Variants in AK2 observed in about 807,000 individuals in gnomAD.
The protein encoded by AK2 is adenylate kinase 2, mitochondrial.
AK2 carries 15 observed loss-of-function variants against 24.6 expected under a neutral mutation model. That is an observed-to-expected ratio of 0.61 (90% CI 0.41 to 0.94). The LOEUF is 0.94. Among genes scored for constraint, AK2 ranks in the 40% least tolerant of loss-of-function variants. The pLI is 0.00. For missense variants in AK2, 257 were observed against 304.1 expected (o/e 0.85, Z 1.15); for synonymous variants, 102 against 114.0 (o/e 0.90, Z 0.67).
At chr1:33,016,245 T>C (rs976504565) in intron 4 of AK2, among the ~76,000 whole-genome samples, 1 of 152,310 alleles carries the variant, frequency 6.6e-6, no homozygotes, top group African/African-American at 2.4e-5. Context: ...AGAGTCTCCC[T>C]CTGTCACCCA....
At chr1:33,026,799 T>G (rs1639914165) in intron 1 of AK2, among the ~76,000 whole-genome samples, 1 of 146,760 alleles carries the variant, frequency 6.8e-6, no homozygotes, top group Admixed American at 6.9e-5. Flanking sequence ...AGAGCAAGAC[T>G]CCATCTCACA....
Position 33,012,893 on chromosome 1 carries a change from G to T in AK2, c.*288C>A, listed in dbSNP as rs2124275818. The T allele has an allele frequency of 2.2e-6, 3 of 1,360,196 alleles. No homozygotes were observed. The highest frequency in any genetic ancestry group is 1.2e-5 in the South Asian group (1 of 81,810). The allele number at this position is 1,360,196 out of a possible 1,614,324, so 84.3% of individuals were successfully genotyped here. ...AGCCAGGGTGGCAGAGCGAAACCTT[G>T]TCTCAAAACAACAACAAAAAAGAAG... On this transcript the variant is annotated 3_prime_UTR_variant, in exon 6 of 6. Transcript: ENST00000672715.
intron 1 of AK2, chr1:33,032,370 G>A (rs1640291382): frequency 6.6e-6 from 1 of 152,222 alleles, no homozygotes; most frequent in African/African-American, 2.4e-5. Flanking sequence ...AGAAACTGGA[G>A]CTCTGGATTT....
rs375860853 is a variant in AK2 at position 33,013,181 on chromosome 1, T to C, written c.720A>G (p.Ter240=). 1.2e-6 allele frequency: 2 copies of C among 1,614,056 alleles called. No homozygotes were observed. The highest frequency in any genetic ancestry group is 1.7e-6 in the Non-Finnish European group (2 of 1,180,030). Reference sequence around the variant, plus strand: ...AAGAAATTCCTTCTTGGACCCAACATTAGATAAACATAACCAAGTCTTTAC... The same window carrying C: ...AAGAAATTCCTTCTTGGACCCAACACTAGATAAACATAACCAAGTCTTTAC... ...ATCKDLVMFI[*] The change falls in exon 6 of 6, where the codon TAA becomes TAG. Residue 240 remains the stop codon, a stop_retained_variant. Coordinates refer to ENST00000672715, the MANE Select transcript of AK2 (RefSeq NM_001625.4).
intron 2 of AK2, among the ~76,000 whole-genome samples, chr1:33,022,058 T>C (rs1557623010): frequency 6.6e-6 from 1 of 152,080 alleles, no homozygotes; most frequent in African/African-American, 2.4e-5. Flanking sequence ...GAGTCCAAAC[T>C]GTCAGATAAC....
At chr1:33,034,641 C>T (rs1443537518) in intron 1 of AK2, among the ~76,000 whole-genome samples, 1 of 152,168 alleles carries the variant, frequency 6.6e-6, no homozygotes, top group Non-Finnish European at 1.5e-5. Flanking sequence ...CAGGTAAGAA[C>T]ACTGAGGCTC....
At chr1:33,034,819 C>A (rs1038736684) in intron 1 of AK2, among the ~76,000 whole-genome samples, 3 of 152,100 alleles carry the variant, frequency 2.0e-5, no homozygotes, top group Non-Finnish European at 4.4e-5. Context: ...GAGGTCAAGG[C>A]AGGATGATCG....
At chr1:33,013,437 C>A in intron 5 of AK2, 35 bp from the exon 6 acceptor site, 1 of 1,596,646 alleles carries the variant, frequency 6.3e-7, no homozygotes, top group East Asian at 2.3e-5. Flanking sequence ...AAGGCTGGGA[C>A]TGTTAGCAAG....
At position 33,024,470 on chromosome 1, in the gene AK2, A is replaced by G; in HGVS notation, c.191T>C (p.Leu64Pro). ...TTTCCCAGCATCCATAGTTGCCTTC[A>G]GCTTTTTTCCTAGCTCTGAGCCAGA... ...VASGSELGKKLKATMDAGKLV... is the reference protein window; with the variant it reads ...VASGSELGKKPKATMDAGKLV... The change falls in exon 2 of 6, where the codon CTG (leucine) becomes CCG (proline). Residue 64 changes from leucine to proline, a missense_variant. Coordinates refer to ENST00000672715, the MANE Select transcript of AK2 (RefSeq NM_001625.4). 1 of 1,614,210 alleles carries G rather than the reference A, an allele frequency of 6.2e-7. No individual in the cohort carries two copies. The highest frequency in any genetic ancestry group is 1.1e-5 in the South Asian group (1 of 91,092).
At chr1:33,014,393 T>C (rs1569583197) in intron 5 of AK2, 129 bp downstream of exon 5, 4 of 752,630 alleles carry the variant, frequency 5.3e-6, no homozygotes, top group East Asian at 6.2e-5. Context: ...CTTGATAGTG[T>C]TATTTTTCAT....
chr1:33,035,749 G>C (rs115607728), intron 1 of AK2, among the ~76,000 whole-genome samples: 273 of 152,258 alleles, frequency 1.8e-3, no homozygotes, highest in Non-Finnish European at 3.3e-3. Flanking sequence ...AGGGCAGATG[G>C]TAACTTCAGA....
intron 1 of AK2, among the ~76,000 whole-genome samples, chr1:33,036,418 T>A (rs76114965): frequency 0.047 from 7,146 of 152,248 alleles, 429 homozygotes; most frequent in African/African-American, 0.14. Flanking sequence ...GTAATCTAGA[T>A]GCCTCGGCCC....
At position 33,011,972 on chromosome 1, in the gene AK2, G is replaced by A. The variant is rs1259999821; in HGVS notation, c.*1209C>T. On this transcript the variant is annotated 3_prime_UTR_variant, in exon 6 of 6. Transcript: ENST00000672715. The stretch of plus-strand genomic sequence containing the variant: ...TATGTCCTGGAGAGAGACTGGGTTT[G>A]AATAAATACTGATCAAAATGAATCC... The A allele has an allele frequency of 6.5e-6, 10 of 1,534,618 alleles. No homozygotes were observed. Among genetic ancestry groups the A allele is most frequent in the Non-Finnish European group, 8.7e-6 (10 of 1,146,544 alleles).
In AK2 at chr1:33,011,201, T is replaced by C. The variant is rs1557607255; in HGVS notation, c.*1980A>G. On this transcript the variant is annotated 3_prime_UTR_variant, in exon 6 of 6. Transcript: ENST00000672715. ...CAAGAACCTCAACTTTGAGGCCAAG[T>C]GCTTACAATTGTCCCTAGTTAAAGG... The C allele has an allele frequency of 7.7e-7, 1 of 1,300,074 alleles. No individual in the cohort carries two copies. The highest frequency in any genetic ancestry group is 9.9e-7 in the Non-Finnish European group (1 of 1,005,730). 80.5% of individuals were successfully genotyped at this position (1,300,074 alleles called of 1,614,324 possible). A position where few individuals can be genotyped will look rare whatever the true frequency, so the allele number is the denominator to read the frequency against.
intron 1 of AK2, among the ~76,000 whole-genome samples, chr1:33,030,786 G>A (rs1012645971): frequency 1.3e-5 from 2 of 152,176 alleles, no homozygotes; most frequent in Non-Finnish European, 2.9e-5. Context: ...AAAAGAACTG[G>A]CAACAGGCCA....
At chr1:33,027,421 T>C (rs1311111518) in intron 1 of AK2, among the ~76,000 whole-genome samples, 1 of 152,082 alleles carries the variant, frequency 6.6e-6, no homozygotes, top group African/African-American at 2.4e-5. Flanking sequence ...TACAGCTAGA[T>C]GAAAGAACAC....
At chr1:33,028,101 A>G (rs1640012196) in intron 1 of AK2, among the ~76,000 whole-genome samples, 1 of 152,248 alleles carries the variant, frequency 6.6e-6, no homozygotes, top group Admixed American at 6.5e-5. Flanking sequence ...CTTTATTTAC[A>G]GGCTGCAGAA....
At chr1:33,015,956 GCTA>G (rs1303318222) in intron 4 of AK2, among the ~76,000 whole-genome samples, 1 of 152,116 alleles carries the variant, frequency 6.6e-6, no homozygotes, top group African/African-American at 2.4e-5. Context: ...TGTAAAATGT[GCTA>G]CTTTCTTTTT....
intron 2 of AK2, among the ~76,000 whole-genome samples, chr1:33,023,729 C>T (rs1369261402): frequency 6.6e-6 from 1 of 152,206 alleles, no homozygotes; most frequent in African/African-American, 2.4e-5. Flanking sequence ...CTCTTGAATA[C>T]ATCTCTGAGT....
Sources: allele counts gnomAD v4.1 joint callset (sites outside exome capture counted in the v4.1 genomes callset), GRCh38; gene constraint gnomAD v4.1.1; transcripts MANE v1.5; gene names NCBI Gene and HGNC (gene_info 2026-07-23, HGNC 2026-07-21).